GTF2F2: variants seen among roughly 807,000 people sequenced by gnomAD.
GTF2F2 encodes ATP-dependent helicase GTF2F2.
In GTF2F2, 23 loss-of-function variants were observed where a neutral mutation model predicts 42.2. That is an observed-to-expected ratio of 0.55 (90% CI 0.39 to 0.77). The LOEUF (loss-of-function observed/expected upper bound fraction) is 0.77. Among genes scored for constraint, GTF2F2 ranks in the 30% least tolerant of loss-of-function variants. The pLI, the probability that GTF2F2 is intolerant of heterozygous loss-of-function variation, is 0.00. For synonymous variants in GTF2F2, 105 were observed against 100.8 expected (o/e 1.04, Z -0.25); for missense variants, 261 against 287.2 (o/e 0.91, Z 0.66).
At chr13:45,188,072 A>G (rs1872498620) in intron 4 of GTF2F2, among the ~76,000 whole-genome samples, 9 of 152,044 alleles carry the variant, frequency 5.9e-5, no homozygotes, top group Admixed American at 4.6e-4. Flanking sequence ...TGCCCAGCTA[A>G]TGTTTATGTT....
chr13:45,194,086 G>T, intron 4 of GTF2F2: 1 of 1,614,046 alleles, frequency 6.2e-7, no homozygotes, highest in Non-Finnish European at 8.5e-7. Context: ...GAAATCAGGA[G>T]CATTACAGAA....
At chr13:45,192,071 C>G (rs1388355245) in intron 4 of GTF2F2, among the ~76,000 whole-genome samples, 1 of 152,028 alleles carries the variant, frequency 6.6e-6, no homozygotes, top group Non-Finnish European at 1.5e-5. Context: ...AAGTCAACTC[C>G]TAAGTTGGAG....
chr13:45,191,224 A>AAAAAT, intron 4 of GTF2F2, among the ~76,000 whole-genome samples: 19 of 75,312 alleles, frequency 2.5e-4, no homozygotes, highest in East Asian at 9.1e-4. Context: ...ACAAAAAAAA[A>AAAAAT]ATATATATAT....
At chr13:45,160,316 GGAA>G (rs1417408013) in intron 4 of GTF2F2, among the ~76,000 whole-genome samples, 3 of 152,120 alleles carry the variant, frequency 2.0e-5, no homozygotes, top group Non-Finnish European at 4.4e-5. Flanking sequence ...ATACATAGTT[GGAA>G]AAGGGAGGAG....
At chr13:45,274,452 G>T (rs1049129294) in intron 7 of GTF2F2, among the ~76,000 whole-genome samples, 1 of 148,762 alleles carries the variant, frequency 6.7e-6, no homozygotes, top group East Asian at 2.0e-4. Flanking sequence ...TCAGCCTCCC[G>T]AGTAGCTGGG....
chr13:45,224,361 AGT>A (rs1874242354), intron 5 of GTF2F2, among the ~76,000 whole-genome samples: 1 of 152,178 alleles, frequency 6.6e-6, no homozygotes, highest in African/African-American at 2.4e-5. Context: ...TAGAATGAAT[AGT>A]GTGTGTAAAA....
At chr13:45,181,200 A>AAAAAAACAAAAAAAAAC (rs766375703) in intron 4 of GTF2F2, among the ~76,000 whole-genome samples, 1 of 132,832 alleles carries the variant, frequency 7.5e-6, no homozygotes, top group Non-Finnish European at 1.6e-5. Flanking sequence ...AAAAAAAAAA[A>AAAAAAACAAAAAAAAAC]AAACCAGAAA....
chr13:45,127,935 G>A (rs566586112), intron 1 of GTF2F2, among the ~76,000 whole-genome samples: 5 of 106,064 alleles, frequency 4.7e-5, no homozygotes, highest in South Asian at 6.0e-4. Flanking sequence ...CTGGCACCCC[G>A]GCCTTTTTTT....
At position 45,246,962 on chromosome 13, in the gene GTF2F2, C is replaced by T. The variant is rs575358893; in HGVS notation, c.387-5909C>T. Among the ~76,000 whole-genome samples, 424 of 151,182 alleles carry T rather than the reference C, an allele frequency of 2.8e-3. 8 individuals are homozygous for T. Among genetic ancestry groups the T allele is most frequent in the East Asian group, 7.9e-4 (4 of 5,080 alleles). On this transcript the variant is annotated intron_variant, in intron 5 of 7. Transcript: ENST00000340473. The stretch of plus-strand genomic sequence containing the variant: ...ATGAGGCAGGAGAATGGTGTGAACC[C>T]GGGAGGCGGAGCTTGCAGTGAGCCG...
At chr13:45,243,845 GAC>G (rs1875448831) in intron 5 of GTF2F2, among the ~76,000 whole-genome samples, 1 of 152,112 alleles carries the variant, frequency 6.6e-6, no homozygotes, top group Non-Finnish European at 1.5e-5. Context: ...ATTTTTAGTA[GAC>G]ACACAGTTTC....
intron 5 of GTF2F2, among the ~76,000 whole-genome samples, chr13:45,243,326 C>T (rs772804159): frequency 2.0e-5 from 3 of 152,182 alleles, no homozygotes; most frequent in Non-Finnish European, 2.9e-5. Flanking sequence ...CTGAGCTCCG[C>T]CTCCTGTCTG....
intron 4 of GTF2F2, among the ~76,000 whole-genome samples, chr13:45,182,982 G>A (rs893857222): frequency 5.9e-5 from 9 of 151,988 alleles, no homozygotes; most frequent in Admixed American, 2.6e-4. Flanking sequence ...TTTTAACTAG[G>A]TCTTGGCCTA....
chr13:45,212,520 C>G lies in GTF2F2; in HGVS notation c.386+5015C>G, dbSNP rs374278199. Among the ~76,000 whole-genome samples, 2 of 100,004 alleles carry G rather than the reference C, an allele frequency of 2.0e-5. 1 individual carries two copies. Among genetic ancestry groups the G allele is most frequent in the Non-Finnish European group, 4.3e-5 (2 of 46,998 alleles). 65.6% of individuals were successfully genotyped at this position (100,004 alleles called of 152,430 possible). A position where few individuals can be genotyped will look rare whatever the true frequency, so the allele number is the denominator to read the frequency against. On this transcript the variant is annotated intron_variant, in intron 5 of 7. Coordinates refer to ENST00000340473, the MANE Select transcript of GTF2F2 (RefSeq NM_004128.3). ...CTTTCTTTCTTTCTTTTCTTTCTTT[C>G]TCTTTCTCTCTTTCTCACTTTCTCT...
intron 2 of GTF2F2, 23 bp downstream of exon 2, chr13:45,136,829 A>T: frequency 7.5e-7 from 1 of 1,338,652 alleles, no homozygotes; most frequent in Non-Finnish European, 1.1e-6. Flanking sequence ...CATATTCTTG[A>T]CATTTTAAAA....
At chr13:45,211,812 C>T (rs1015479129) in intron 5 of GTF2F2, among the ~76,000 whole-genome samples, 2 of 152,082 alleles carry the variant, frequency 1.3e-5, no homozygotes, top group African/African-American at 4.8e-5. Context: ...TCTTGAACTC[C>T]TGACCTCAGG....
chr13:45,136,255 A>AT (rs1869613785), intron 1 of GTF2F2, among the ~76,000 whole-genome samples: 4 of 152,222 alleles, frequency 2.6e-5, no homozygotes. Flanking sequence ...GGATTATATA[A>AT]ATGTTAGCTA....
In GTF2F2 at chr13:45,235,793, C is replaced by T. The variant is rs186612057; in HGVS notation, c.387-17078C>T. Among the ~76,000 whole-genome samples, 880 of 151,796 alleles carry T rather than the reference C, an allele frequency of 5.8e-3. 8 individuals are homozygous for T. Among genetic ancestry groups the T allele is most frequent in the African/African-American group, 0.021 (851 of 41,412 alleles). ...ATTTATTTTTTATTTTTAGTAGAGA[C>T]GGGGTTTCACCATGTTGACCGTGCT... On this transcript the variant is annotated intron_variant, in intron 5 of 7. Coordinates refer to ENST00000340473, the MANE Select transcript of GTF2F2 (RefSeq NM_004128.3).
At chr13:45,275,350 T>C (rs1409591381) in intron 7 of GTF2F2, among the ~76,000 whole-genome samples, 3 of 151,998 alleles carry the variant, frequency 2.0e-5, no homozygotes, top group African/African-American at 7.3e-5. Flanking sequence ...ATGTGCACAA[T>C]GTGCAGGTTT....
At chr13:45,162,927 C>T (rs367987340) in intron 4 of GTF2F2, among the ~76,000 whole-genome samples, 3 of 116,022 alleles carry the variant, frequency 2.6e-5, no homozygotes, top group South Asian at 6.7e-4. Context: ...CCCCACCCCC[C>T]ACCCCCTAAC....
Sources: gnomAD v4.1 joint callset for allele counts (sites outside exome capture counted in the v4.1 genomes callset) on GRCh38, gnomAD v4.1.1 for gene constraint, MANE v1.5 for transcripts, NCBI Gene and HGNC (gene_info 2026-07-23, HGNC 2026-07-21) for gene names.